The following ST7 variants were observed in gnomAD, a reference collection of about 807,000 sequenced individuals.
ST7 encodes the protein suppression of tumorigenicity 7, also known as suppressor of tumorigenicity 7 protein.
In ST7, 28 loss-of-function variants were observed where a neutral mutation model predicts 78.7. The ratio of observed to expected loss-of-function variants is 0.36; its 90% confidence interval spans 0.26 to 0.49. The LOEUF is 0.49. Among genes scored for constraint, ST7 ranks in the 20% least tolerant of loss-of-function variants. The pLI, the probability that ST7 is intolerant of heterozygous loss-of-function variation, is 0.99. For missense variants in ST7, 418 were observed against 696.0 expected (o/e 0.60, Z 4.49); for synonymous variants, 247 against 249.6 (o/e 0.99, Z 0.10).
chr7:117,162,552 A>T (rs528241130), intron 9 of ST7, among the ~76,000 whole-genome samples: 1 of 150,802 alleles, frequency 6.6e-6, no homozygotes, highest in Non-Finnish European at 1.5e-5. Context: ...TCCCATCATA[A>T]ATAGTGGACT....
chr7:117,138,407 TG>T, intron 8 of ST7, 27 bp from the exon 9 acceptor site: 1 of 1,457,350 alleles, frequency 6.9e-7, no homozygotes, highest in Non-Finnish European at 9.3e-7. Flanking sequence ...TTTTTTTAAA[TG>T]TTGGTGTTTT....
chr7:117,126,205 G>A (rs997799711), intron 3 of ST7, among the ~76,000 whole-genome samples: 1 of 151,598 alleles, frequency 6.6e-6, no homozygotes, highest in African/African-American at 2.4e-5. Flanking sequence ...AACCCTTCTG[G>A]GCCTTGAATT....
At chr7:117,165,902 C>T (rs567524987) in intron 9 of ST7, among the ~76,000 whole-genome samples, 10 of 152,098 alleles carry the variant, frequency 6.6e-5, no homozygotes, top group African/African-American at 2.2e-4. Flanking sequence ...ATGCCAGATG[C>T]GTGGTGCGTG....
intron 1 of ST7, among the ~76,000 whole-genome samples, chr7:117,084,447 G>A (rs895400722): frequency 1.3e-5 from 2 of 152,194 alleles, no homozygotes; most frequent in Admixed American, 1.3e-4. Context: ...AACCCAGGGT[G>A]AGTAATGCTG....
intron 1 of ST7, among the ~76,000 whole-genome samples, chr7:116,983,160 A>G (rs1206316908): frequency 6.6e-6 from 1 of 152,110 alleles, no homozygotes; most frequent in Non-Finnish European, 1.5e-5. Flanking sequence ...GGCCTCCCAA[A>G]GTGCTGGGAT....
chr7:116,984,579 C>T (rs1794109834), intron 1 of ST7, among the ~76,000 whole-genome samples: 3 of 152,128 alleles, frequency 2.0e-5, no homozygotes, highest in Admixed American at 2.0e-4. Context: ...GAGGAGATGA[C>T]TCTATCACTT....
chr7:117,189,493 C>A, intron 11 of ST7, 100 bp downstream of exon 11: 3 of 842,216 alleles, frequency 3.6e-6, no homozygotes, highest in Non-Finnish European at 5.2e-6. Context: ...GCTATGAGAC[C>A]CCTGCTTATA....
At chr7:117,020,499 T>C in intron 1 of ST7, 1 of 1,356,880 alleles carries the variant, frequency 7.4e-7, no homozygotes, top group Non-Finnish European at 1.0e-6. Context: ...CCCTGCTGTG[T>C]AGCCGGCTCA....
intron 1 of ST7, among the ~76,000 whole-genome samples, chr7:117,042,686 T>C (rs1391782998): frequency 1.3e-5 from 2 of 152,174 alleles, no homozygotes; most frequent in African/African-American, 4.8e-5. Flanking sequence ...GTCAGATTTA[T>C]AAATTTTTCA....
intron 1 of ST7, among the ~76,000 whole-genome samples, chr7:117,052,811 G>A (rs945706504): frequency 1.3e-5 from 2 of 152,212 alleles, no homozygotes; most frequent in South Asian, 2.1e-4. Flanking sequence ...GGAGAATGGC[G>A]TGAACGCAGG....
chr7:117,172,553 T>C (rs1808077824), intron 10 of ST7, among the ~76,000 whole-genome samples: 1 of 152,214 alleles, frequency 6.6e-6, no homozygotes, highest in African/African-American at 2.4e-5. Flanking sequence ...TGTTTGGCTT[T>C]CATGTCAGCT....
intron 9 of ST7, among the ~76,000 whole-genome samples, chr7:117,162,594 G>A (rs1189617294): frequency 4.0e-5 from 6 of 151,672 alleles, no homozygotes; most frequent in Non-Finnish European, 8.8e-5. Context: ...GTCTCTAGGG[G>A]ATGTAGCTGG....
intron 12 of ST7, among the ~76,000 whole-genome samples, chr7:117,207,475 G>A (rs1323615465): frequency 1.3e-5 from 2 of 152,170 alleles, no homozygotes; most frequent in Non-Finnish European, 1.5e-5. Flanking sequence ...AAATGTGGGT[G>A]ACTACCAGGC....
intron 1 of ST7, among the ~76,000 whole-genome samples, chr7:117,011,771 C>A (rs1264183929): frequency 6.6e-6 from 1 of 152,040 alleles, no homozygotes; most frequent in South Asian, 2.1e-4. Context: ...CTTAGGTGAA[C>A]GTTATACGTT....
chr7:117,055,124 A>T (rs1797996268), intron 1 of ST7, among the ~76,000 whole-genome samples: 1 of 152,204 alleles, frequency 6.6e-6, no homozygotes, highest in African/African-American at 2.4e-5. Flanking sequence ...ATTCAGTTTG[A>T]TTGATATAAT....
At chr7:117,106,234 A>G (rs1287336915) in intron 2 of ST7, among the ~76,000 whole-genome samples, 1 of 151,714 alleles carries the variant, frequency 6.6e-6, no homozygotes, top group African/African-American at 2.4e-5. Flanking sequence ...TCCTGACCTC[A>G]AGATCCACCC....
intron 1 of ST7, among the ~76,000 whole-genome samples, chr7:117,075,509 G>A (rs1183736520): frequency 2.6e-5 from 4 of 152,182 alleles, no homozygotes; most frequent in Non-Finnish European, 5.9e-5. Flanking sequence ...ACAGCCCATT[G>A]TTTCCCTGCC....
chr7:117,044,500 C>T (rs1309712646), intron 1 of ST7, among the ~76,000 whole-genome samples: 2 of 152,146 alleles, frequency 1.3e-5, no homozygotes, highest in Non-Finnish European at 2.9e-5. Flanking sequence ...GTGTGTGCCA[C>T]CACGCCCATC....
intron 9 of ST7, among the ~76,000 whole-genome samples, chr7:117,143,159 G>A (rs751272445): frequency 1.3e-5 from 2 of 152,194 alleles, no homozygotes; most frequent in South Asian, 2.1e-4. Context: ...TGCATGCTTC[G>A]AGATCATTGT....
Sources: allele counts gnomAD v4.1 joint callset (sites outside exome capture counted in the v4.1 genomes callset), GRCh38; gene constraint gnomAD v4.1.1; transcripts MANE v1.5; gene names NCBI Gene and HGNC (gene_info 2026-07-23, HGNC 2026-07-21).